The following RECK variants were observed in gnomAD, a reference collection of about 807,000 sequenced individuals.
The protein encoded by RECK is reversion-inducing cysteine-rich protein with Kazal motifs.
In RECK, 69 loss-of-function variants were observed where a neutral mutation model predicts 115.1. The observed-to-expected ratio is 0.60, with a 90% CI of 0.49 to 0.73. The LOEUF (loss-of-function observed/expected upper bound fraction) is 0.73, where lower values mean the gene tolerates loss of function less well. Ranked by LOEUF, RECK falls within the 30% of genes least tolerant of loss-of-function variation. The pLI is 0.00. For synonymous variants in RECK, 414 were observed against 419.7 expected (o/e 0.99, Z 0.17); for missense variants, 1,047 against 1,203.7 (o/e 0.87, Z 1.93).
At chr9:36,069,912 C>A (rs1822164060) in intron 6 of RECK, among the ~76,000 whole-genome samples, 2 of 152,086 alleles carry the variant, frequency 1.3e-5, no homozygotes, top group South Asian at 4.1e-4. Context: ...CCAGTAGCAA[C>A]AGAGGAAGCC....
At position 36,110,856 on chromosome 9, in the gene RECK, T is replaced by G. The variant is rs544286604; in HGVS notation, c.1888+777T>G. On this transcript the variant is annotated intron_variant, in intron 15 of 20. Transcript: ENST00000377966. ...GAGGAGAGTAAGGATTTACCAACCTTGTACCTCCAGCCCATTGGAAATAAA... is the reference window on the plus strand; with the variant it reads ...GAGGAGAGTAAGGATTTACCAACCTGGTACCTCCAGCCCATTGGAAATAAA... Among the ~76,000 whole-genome samples the G allele has an allele frequency of 2.6e-5, 4 of 152,094 alleles. No homozygotes were observed. In the South Asian group the frequency reaches 8.3e-4, roughly 32 times the overall value.
intron 6 of RECK, among the ~76,000 whole-genome samples, chr9:36,072,313 A>G (rs1390328276): frequency 6.6e-6 from 1 of 152,222 alleles, no homozygotes; most frequent in African/African-American, 2.4e-5. Flanking sequence ...AATTAGCCCA[A>G]TTTAGAGATA....
intron 6 of RECK, among the ~76,000 whole-genome samples, chr9:36,077,830 C>T (rs1296581574): frequency 6.6e-6 from 1 of 152,038 alleles, no homozygotes; most frequent in East Asian, 1.9e-4. Flanking sequence ...CTGTAAGGGG[C>T]CAGACAGCAA....
chr9:36,036,948 G>A lies in RECK; in HGVS notation c.-51G>A, dbSNP rs1024100006. 8.2e-6 allele frequency: 10 copies of A among 1,222,156 alleles called. No homozygotes were observed. In the African/African-American group the frequency reaches 1.4e-4, roughly 18 times the overall value. The allele number at this position is 1,222,156 out of a possible 1,614,324, so 75.7% of individuals were successfully genotyped here. ...CGGCGGTAGCGGCGGCAGCGGCTGC[G>A]GCCAAGCTGGGTCCGAGCATCCCGC... On this transcript the variant is annotated 5_prime_UTR_variant, in exon 1 of 21. Coordinates refer to ENST00000377966, the MANE Select transcript of RECK (RefSeq NM_021111.3).
chr9:36,122,012 CG>C (rs1456561881), intron 20 of RECK, among the ~76,000 whole-genome samples: 1 of 152,130 alleles, frequency 6.6e-6, no homozygotes, highest in Non-Finnish European at 1.5e-5. Context: ...ATTGTACAGA[CG>C]AGGCAGCTGA....
chr9:36,064,064 A>T (rs889502507), intron 5 of RECK, among the ~76,000 whole-genome samples, 184 bp downstream of exon 5: 17 of 152,326 alleles, frequency 1.1e-4, no homozygotes, highest in African/African-American at 4.1e-4. Flanking sequence ...TGGCTGCTGC[A>T]TATGGCCTCA....
rs942051273 is a variant in RECK at position 36,109,022 on chromosome 9, C to T, written c.1765+858C>T. Among the ~76,000 whole-genome samples the T allele has an allele frequency of 5.3e-5, 8 of 152,110 alleles. No individual in the cohort carries two copies. In the East Asian group the frequency reaches 1.4e-3, roughly 26 times the overall value. Reference sequence around the variant, plus strand: ...TGAGATTTGATTAGAAAGAAGAGTGCTCTTGGCTAAAATTAGCTCTCAAAT... The same window carrying T: ...TGAGATTTGATTAGAAAGAAGAGTGTTCTTGGCTAAAATTAGCTCTCAAAT... On this transcript the variant is annotated intron_variant, in intron 14 of 20. Coordinates refer to ENST00000377966, the MANE Select transcript of RECK (RefSeq NM_021111.3).
In RECK at chr9:36,121,611, G is replaced by A; in HGVS notation, c.2617G>A (p.Val873Met). 2 of 1,614,180 alleles carry A rather than the reference G, an allele frequency of 1.2e-6. No homozygotes were observed. The highest frequency in any genetic ancestry group is 1.7e-6 in the Non-Finnish European group (2 of 1,179,994). The change falls in exon 20 of 21, where the codon GTG becomes ATG. Residue 873 changes from valine (V) to methionine (M), a missense_variant. By Grantham distance (21) the Val-to-Met change is conservative. Transcript: ENST00000377966. ...RMHVSVPQCDVFGYFSIESEI... is the reference protein window; with the variant it reads ...RMHVSVPQCDMFGYFSIESEI... ...GCACGTGTCTGTCCCACAGTGTGATGTGTTTGGATACTTCAGCATTGAATC... is the reference window on the plus strand; with the variant it reads ...GCACGTGTCTGTCCCACAGTGTGATATGTTTGGATACTTCAGCATTGAATC...
chr9:36,041,872 A>C (rs1002294474), intron 1 of RECK, among the ~76,000 whole-genome samples: 3 of 150,284 alleles, frequency 2.0e-5, no homozygotes, highest in African/African-American at 7.4e-5. Context: ...CCCACCACCA[A>C]CTGGCTGCCT....
intron 13 of RECK, 43 bp from the exon 14 acceptor site, chr9:36,107,933 A>G: frequency 1.4e-6 from 2 of 1,415,224 alleles, no homozygotes; most frequent in Non-Finnish European, 2.0e-6. Context: ...AAACAATGTC[A>G]TAGAACAGTA....
In RECK at chr9:36,123,086, C is replaced by T; in HGVS notation, c.*41C>T. ...GCAGAATGCTCCTCCACCTCACTCT[C>T]CTGCCTTGAAAAAGACATTCAGGAC... is the stretch of plus-strand genomic sequence containing the variant. On this transcript the variant is annotated 3_prime_UTR_variant, in exon 21 of 21. Transcript: ENST00000377966. 2 of 1,513,642 alleles carry T rather than the reference C, an allele frequency of 1.3e-6. No homozygotes were observed. The highest frequency in any genetic ancestry group is 1.2e-5 in the South Asian group (1 of 83,608). The allele number at this position is 1,513,642 out of a possible 1,614,324, so 93.8% of individuals were successfully genotyped here. A position where few individuals can be genotyped will look rare whatever the true frequency, so the allele number is the denominator to read the frequency against.
chr9:36,078,046 T>C (rs539576485), intron 6 of RECK, among the ~76,000 whole-genome samples: 5 of 152,236 alleles, frequency 3.3e-5, no homozygotes, highest in Admixed American at 2.0e-4. Context: ...TTTAAAAAAG[T>C]AGGTAAATGA....
At chr9:36,077,437 A>C (rs1468025101) in intron 6 of RECK, among the ~76,000 whole-genome samples, 2 of 152,208 alleles carry the variant, frequency 1.3e-5, no homozygotes, top group Non-Finnish European at 2.9e-5. Flanking sequence ...AGATAGAGTT[A>C]CATATAGTAA....
chr9:36,042,924 A>ATG (rs1416878412), intron 1 of RECK, among the ~76,000 whole-genome samples: 1 of 149,584 alleles, frequency 6.7e-6, no homozygotes, highest in Non-Finnish European at 1.5e-5. Context: ...TTCCCTGGTA[A>ATG]TTAGTGATGT....
At position 36,108,150 on chromosome 9, in the gene RECK, G is replaced by A. The variant is rs1275383529; in HGVS notation, c.1751G>A (p.Gly584Glu). The part of the protein sequence containing the change: ...CIDLQKSCIV[G>E]GKRKSHGTSF... ...GACCTCCAGAAGTCTTGTATTGTTG[G>A]AGGAAAAAGAAAAAGTGAGTCTTAA... The change falls in exon 14 of 21, where the codon GGA becomes GAA. Residue 584 changes from glycine to glutamate, a missense_variant. By Grantham distance (98) the Gly-to-Glu change is moderately conservative. Transcript: ENST00000377966. 2 of 1,581,898 alleles carry A rather than the reference G, an allele frequency of 1.3e-6. No homozygotes were observed. The highest frequency in any genetic ancestry group is 2.0e-5 in the Admixed American group (1 of 49,602).
At chr9:36,057,326 T>A (rs76604171) in intron 2 of RECK, among the ~76,000 whole-genome samples, 1 of 152,072 alleles carries the variant, frequency 6.6e-6, no homozygotes, top group East Asian at 1.9e-4. Flanking sequence ...TAAACTTATC[T>A]TTTTTTTCTT....
intron 7 of RECK, among the ~76,000 whole-genome samples, chr9:36,081,179 A>G (rs1426526293): frequency 1.3e-5 from 2 of 152,198 alleles, no homozygotes; most frequent in Non-Finnish European, 2.9e-5. Context: ...TGGAGATTGG[A>G]GGAAGGGCTT....
intron 18 of RECK, among the ~76,000 whole-genome samples, chr9:36,120,261 C>A (rs574845516): frequency 1.3e-4 from 20 of 152,052 alleles, no homozygotes; most frequent in Admixed American, 1.2e-3. Flanking sequence ...AAATTTGAAT[C>A]AAACACTCAT....
chr9:36,074,365 A>G (rs1415779772), intron 6 of RECK, among the ~76,000 whole-genome samples: 3 of 152,230 alleles, frequency 2.0e-5, no homozygotes, highest in African/African-American at 7.2e-5. Flanking sequence ...TTTAATATGT[A>G]TCAGGCATTG....
Sources: allele counts gnomAD v4.1 joint callset (sites outside exome capture counted in the v4.1 genomes callset), GRCh38; gene constraint gnomAD v4.1.1; transcripts MANE v1.5; gene names NCBI Gene and HGNC (gene_info 2026-07-23, HGNC 2026-07-21).